Variants in CTNNA2 observed in about 807,000 individuals in gnomAD.
The protein encoded by CTNNA2 is catenin alpha-2.
A neutral mutation model predicts 101.0 loss-of-function variants in CTNNA2; 42 were observed. The ratio of observed to expected loss-of-function variants is 0.42; its 90% CI spans 0.32 to 0.54. The LOEUF (loss-of-function observed/expected upper bound fraction) is 0.54. Ranked by LOEUF, CTNNA2 falls within the 20% of genes least tolerant of loss-of-function variation. The probability of loss-of-function intolerance (pLI) is 0.14; values close to 1 mark genes in which losing one functional copy is unlikely to be tolerated. For missense variants in CTNNA2, 871 were observed against 1,223.1 expected (o/e 0.71, Z 4.29); for synonymous variants, 450 against 456.4 (o/e 0.99, Z 0.18).
intron 9 of CTNNA2, among the ~76,000 whole-genome samples, chr2:80,476,389 A>G (rs138213040): frequency 6.7e-4 from 102 of 152,292 alleles, no homozygotes; most frequent in African/African-American, 2.2e-3. Context: ...CCAGGGGAAA[A>G]GGTGGAAAAA....
rs772583598 is a variant in CTNNA2, at chr2:80,545,919, G to T, written c.1396G>T (p.Ala466Ser). The part of the protein sequence containing the change: ...DSLCPQVINA[A>S]LTLAARPQSK... ...TTCCAACAAATAGGTCATCAATGCC[G>T]CTCTGACACTGGCTGCCCGGCCACA... Residue 466 changes from alanine (A) to serine (S), a missense_variant, in exon 11 of 19, where the codon GCT (alanine) becomes TCT (serine). Ala to Ser is a moderately conservative substitution (Grantham distance 99, BLOSUM62 1). Around this residue, in one of 5 missense-constraint regions of CTNNA2, gnomAD observed 647 missense variants for 831.5 expected, o/e 0.78. Coordinates refer to ENST00000402739, the MANE Select transcript of CTNNA2 (RefSeq NM_001282597.3). 4 of 1,613,736 alleles carry T rather than the reference G, an allele frequency of 2.5e-6. No individual in the cohort carries two copies. Among genetic ancestry groups the T allele is most frequent in the Non-Finnish European group, 3.4e-6 (4 of 1,179,900 alleles).
chr2:79,552,034 C>G (rs557325604), intron 1 of CTNNA2, among the ~76,000 whole-genome samples: 1 of 152,144 alleles, frequency 6.6e-6, no homozygotes, highest in African/African-American at 2.4e-5. Flanking sequence ...AACATTCCCC[C>G]GAAGTCTTAA....
chr2:79,829,359 CTACACACACACA>C (rs1386009054), intron 3 of CTNNA2, among the ~76,000 whole-genome samples: 3 of 94,008 alleles, frequency 3.2e-5, no homozygotes, highest in African/African-American at 1.3e-4. Context: ...TCAACTAAAA[CTACACACACACA>C]CACACACACA....
At chr2:79,752,360 A>G (rs1672103691) in intron 3 of CTNNA2, among the ~76,000 whole-genome samples, 1 of 152,194 alleles carries the variant, frequency 6.6e-6, no homozygotes, top group Admixed American at 6.5e-5. Flanking sequence ...ATGTTGTTGT[A>G]GTCATATCAG....
At chr2:80,146,121 G>A (rs1703318129) in intron 7 of CTNNA2, among the ~76,000 whole-genome samples, 1 of 152,168 alleles carries the variant, frequency 6.6e-6, no homozygotes, top group Admixed American at 6.5e-5. Flanking sequence ...GAGCACTGAG[G>A]TGCTCCAATG....
intron 9 of CTNNA2, among the ~76,000 whole-genome samples, chr2:80,527,155 A>C (rs1690116316): frequency 6.6e-6 from 1 of 152,252 alleles, no homozygotes; most frequent in South Asian, 2.1e-4. Flanking sequence ...TTTCTAATTA[A>C]AAGTGTCAGA....
chr2:80,338,562 A>T (rs181442206), intron 7 of CTNNA2, among the ~76,000 whole-genome samples: 1 of 152,154 alleles, frequency 6.6e-6, no homozygotes, highest in Non-Finnish European at 1.5e-5. Context: ...AAGTCCTTCA[A>T]TGCTGACCCT....
rs187539264 is a variant in CTNNA2 at position 80,611,197 on chromosome 2, G to A, written c.2430+2879G>A. ...AAACTGAGTTTCAGAAGATTAAACC[G>A]TCTATAAATTGGCTTTATTTATTTG... On this transcript the variant is annotated intron_variant, in intron 17 of 18. Coordinates refer to ENST00000402739, the MANE Select transcript of CTNNA2 (RefSeq NM_001282597.3). Among the ~76,000 whole-genome samples, 16 of 147,726 alleles carry A rather than the reference G, an allele frequency of 1.1e-4. No homozygotes were observed. In the East Asian group the frequency reaches 1.4e-3, roughly 13 times the overall value.
At chr2:79,652,593 G>A (rs1489658718) in intron 2 of CTNNA2, among the ~76,000 whole-genome samples, 1 of 151,926 alleles carries the variant, frequency 6.6e-6, no homozygotes, top group Admixed American at 6.6e-5. Flanking sequence ...AAGGACCCTT[G>A]TGATTATGTT....
At chr2:80,411,294 G>A (rs771084955) in intron 8 of CTNNA2, among the ~76,000 whole-genome samples, 13 of 150,828 alleles carry the variant, frequency 8.6e-5, no homozygotes, top group Non-Finnish European at 1.5e-4. Flanking sequence ...TTTTTTTTCC[G>A]ATCCCTAAAT....
At chr2:80,267,595 A>G (rs945090530) in intron 7 of CTNNA2, among the ~76,000 whole-genome samples, 1 of 152,208 alleles carries the variant, frequency 6.6e-6, no homozygotes, top group African/African-American at 2.4e-5. Context: ...GGAAACTACA[A>G]ATGACAATAC....
At position 79,285,482 on chromosome 2, in the gene CTNNA2, T is replaced by A. The variant is rs1675543546; in HGVS notation, c.-405-27227T>A. Among the ~76,000 whole-genome samples, 7 of 144,378 alleles carry A rather than the reference T, an allele frequency of 4.8e-5. No individual in the cohort carries two copies. The South Asian group carries it at 1.6e-3, about 33-fold the overall frequency. 94.7% of individuals were successfully genotyped at this position (144,378 alleles called of 152,430 possible). A position where few individuals can be genotyped will look rare whatever the true frequency, so the allele number is the denominator to read the frequency against. On this transcript the variant is annotated intron_variant, in intron 2 of 21. Transcript: ENST00000466387. Reference sequence around the variant, plus strand: ...TTGTTCACGTTGGTTTCAAAGAACATCTTTATTTCTGCCTTCATTTCGTTA... The same window carrying A: ...TTGTTCACGTTGGTTTCAAAGAACAACTTTATTTCTGCCTTCATTTCGTTA...
intron 7 of CTNNA2, among the ~76,000 whole-genome samples, chr2:80,226,437 G>A (rs1025505280): frequency 5.9e-5 from 9 of 152,190 alleles, no homozygotes; most frequent in African/African-American, 9.7e-5. Context: ...GTGTTTGTTC[G>A]TGGCAGGTGC....
At chr2:79,756,259 T>C (rs1462628572) in intron 3 of CTNNA2, among the ~76,000 whole-genome samples, 6 of 152,232 alleles carry the variant, frequency 3.9e-5, no homozygotes, top group Non-Finnish European at 8.8e-5. Context: ...TAAGAAACTT[T>C]GTATATAGTC....
At chr2:80,249,287 C>G (rs566763569) in intron 7 of CTNNA2, among the ~76,000 whole-genome samples, 1 of 152,268 alleles carries the variant, frequency 6.6e-6, no homozygotes, top group Admixed American at 6.5e-5. Context: ...AGCTCCTCGT[C>G]GCATAGGGCA....
intron 7 of CTNNA2, chr2:80,289,306 A>G (rs1389337899): frequency 1.3e-5 from 2 of 152,146 alleles, no homozygotes; most frequent in African/African-American, 2.4e-5. Flanking sequence ...CCCTCTTAAC[A>G]TTCCAGTTGC....
At chr2:79,794,187 G>A (rs1022971422) in intron 3 of CTNNA2, among the ~76,000 whole-genome samples, 4 of 152,080 alleles carry the variant, frequency 2.6e-5, no homozygotes, top group Admixed American at 6.6e-5. Flanking sequence ...GAGGTTAGGA[G>A]AGAAAGAAAA....
intron 9 of CTNNA2, among the ~76,000 whole-genome samples, chr2:80,474,301 G>A (rs1303334991): frequency 6.6e-6 from 1 of 152,152 alleles, no homozygotes; most frequent in Non-Finnish European, 1.5e-5. Context: ...TGGAGATTTT[G>A]CTGCTTTGCC....
chr2:79,191,163 G>A (rs566459652), intron 1 of CTNNA2, among the ~76,000 whole-genome samples: 17 of 152,292 alleles, frequency 1.1e-4, no homozygotes, highest in Admixed American at 5.9e-4. Context: ...GGGACTGGGC[G>A]GGAAATGAGC....
Sources: allele counts gnomAD v4.1 joint callset (sites outside exome capture counted in the v4.1 genomes callset), GRCh38; gene constraint gnomAD v4.1.1; regional missense constraint gnomAD v4.1.1; transcripts MANE v1.5; gene names NCBI Gene and HGNC (gene_info 2026-07-23, HGNC 2026-07-21).